The following KCNIP4 variants were observed in gnomAD, a reference collection of about 807,000 sequenced individuals.
The protein encoded by KCNIP4 is Kv channel-interacting protein 4.
A neutral mutation model predicts 34.0 loss-of-function variants in KCNIP4; 12 were observed. The ratio of observed to expected loss-of-function variants is 0.35; its 90% CI spans 0.23 to 0.57. The LOEUF is 0.57. KCNIP4 is among the 20% of genes least tolerant of loss of function. The pLI is 0.83. For synonymous variants in KCNIP4, 124 were observed against 102.2 expected (o/e 1.21, Z -1.29); for missense variants, 238 against 311.7 (o/e 0.76, Z 1.78).
intron 3 of KCNIP4, among the ~76,000 whole-genome samples, chr4:20,798,497 C>CCACA (rs373960573): frequency 2.0e-5 from 3 of 149,970 alleles, no homozygotes; most frequent in African/African-American, 7.3e-5. Context: ...CTTCTTTCTA[C>CCACA]CACACACACA....
At chr4:21,589,198 ATATGTG>A (rs1184994037) in intron 1 of KCNIP4, among the ~76,000 whole-genome samples, 4 of 27,952 alleles carry the variant, frequency 1.4e-4, no homozygotes, top group East Asian at 3.4e-3. Context: ...ATATATATAT[ATATGTG>A]TACATATATA....
intron 1 of KCNIP4, among the ~76,000 whole-genome samples, chr4:21,607,490 C>T (rs1299606587): frequency 2.0e-5 from 3 of 152,000 alleles, no homozygotes. Context: ...AACATGTCTA[C>T]ACTCCAAATT....
intron 1 of KCNIP4, among the ~76,000 whole-genome samples, chr4:20,937,330 G>A (rs908617859): frequency 1.4e-5 from 2 of 142,850 alleles, no homozygotes; most frequent in African/African-American, 5.3e-5. Context: ...CACCTCCCAG[G>A]TTCATGCCAT....
chr4:20,953,636 C>G (rs527925692), intron 1 of KCNIP4, among the ~76,000 whole-genome samples: 1 of 152,070 alleles, frequency 6.6e-6, no homozygotes, highest in South Asian at 2.1e-4. Flanking sequence ...GAGCTGAGAT[C>G]GCACTCCATC....
intron 1 of KCNIP4, among the ~76,000 whole-genome samples, chr4:21,132,448 T>C (rs1275459955): frequency 6.6e-6 from 1 of 152,226 alleles, no homozygotes; most frequent in Non-Finnish European, 1.5e-5. Flanking sequence ...CTGTAGAGCA[T>C]TGGGTTGTAT....
rs1726874643 is a variant in KCNIP4 at position 21,887,934 on chromosome 4, G to T, written c.61+60637C>A. ...GCCAATGAGGAAAAAGAAACTTCTG[G>T]TAAAACTTTCTACCTAGTGTTTTAT... On this transcript the variant is annotated intron_variant, in intron 1 of 8. Transcript: ENST00000382152. Among the ~76,000 whole-genome samples, 9 of 152,084 alleles carry T rather than the reference G, an allele frequency of 5.9e-5. No homozygotes were observed. In the South Asian group the frequency reaches 1.9e-3, roughly 32 times the overall value.
At chr4:21,353,853 C>G (rs1176748955) in intron 1 of KCNIP4, among the ~76,000 whole-genome samples, 3 of 152,148 alleles carry the variant, frequency 2.0e-5, no homozygotes, top group African/African-American at 7.2e-5. Context: ...TTATCAGATT[C>G]ACCAAGGTTG....
chr4:21,100,443 C>A (rs565976281), intron 1 of KCNIP4, among the ~76,000 whole-genome samples: 1 of 152,126 alleles, frequency 6.6e-6, no homozygotes, highest in African/African-American at 2.4e-5. Flanking sequence ...GACCCAGTTA[C>A]TTGGGAGACT....
At chr4:21,454,110 T>C (rs917362285) in intron 1 of KCNIP4, among the ~76,000 whole-genome samples, 1 of 152,104 alleles carries the variant, frequency 6.6e-6, no homozygotes, top group African/African-American at 2.4e-5. Flanking sequence ...CCTCAGACCA[T>C]TGCCTCAGAA....
intron 1 of KCNIP4, among the ~76,000 whole-genome samples, chr4:21,276,432 C>T (rs538567761): frequency 1.4e-5 from 2 of 147,430 alleles, no homozygotes; most frequent in East Asian, 4.1e-4. Context: ...GAACGCTTGA[C>T]TTCAAGTAGT....
At chr4:20,745,607 C>CAAAA (rs1002889518) in intron 5 of KCNIP4, among the ~76,000 whole-genome samples, 6 of 152,046 alleles carry the variant, frequency 3.9e-5, no homozygotes, top group African/African-American at 1.4e-4. Context: ...CCCTAAAGTA[C>CAAAA]AAAAAATGAT....
At chr4:20,845,660 A>G (rs1469543120) in intron 3 of KCNIP4, among the ~76,000 whole-genome samples, 1 of 152,190 alleles carries the variant, frequency 6.6e-6, no homozygotes, top group East Asian at 1.9e-4. Flanking sequence ...ACTACCCATT[A>G]GAGGACTAGA....
At chr4:21,477,907 T>G (rs1731120959) in intron 1 of KCNIP4, among the ~76,000 whole-genome samples, 1 of 152,144 alleles carries the variant, frequency 6.6e-6, no homozygotes, top group African/African-American at 2.4e-5. Context: ...TTATTATAAC[T>G]TTCATTCACC....
intron 1 of KCNIP4, among the ~76,000 whole-genome samples, chr4:21,093,955 G>A (rs983724617): frequency 3.3e-5 from 5 of 152,072 alleles, no homozygotes; most frequent in Admixed American, 6.6e-5. Context: ...GGTGGCGGGC[G>A]CCTGTAGTCC....
chr4:20,850,833 G>A (rs1304441632), intron 2 of KCNIP4, 166 bp from the exon 3 acceptor site: 16 of 629,046 alleles, frequency 2.5e-5, no homozygotes, highest in South Asian at 8.6e-5. Flanking sequence ...CAGTTTAAGC[G>A]TATTAAGCTA....
intron 1 of KCNIP4, among the ~76,000 whole-genome samples, chr4:21,778,070 A>G (rs2109205805): frequency 6.6e-6 from 1 of 152,274 alleles, no homozygotes; most frequent in East Asian, 1.9e-4. Context: ...TGTCTTTACC[A>G]GGTGAAACTA....
At chr4:21,577,988 T>C (rs1740879259) in intron 1 of KCNIP4, among the ~76,000 whole-genome samples, 1 of 152,194 alleles carries the variant, frequency 6.6e-6, no homozygotes, top group South Asian at 2.1e-4. Context: ...GTTATCCACA[T>C]TTTAGAAGCA....
chr4:21,388,909 T>C (rs1183471242), intron 1 of KCNIP4, among the ~76,000 whole-genome samples: 1 of 152,150 alleles, frequency 6.6e-6, no homozygotes, highest in Non-Finnish European at 1.5e-5. Context: ...ATTTGGGTTG[T>C]TTTCATCTTT....
At chr4:20,778,267 T>G (rs949712088) in intron 3 of KCNIP4, among the ~76,000 whole-genome samples, 13 of 152,204 alleles carry the variant, frequency 8.5e-5, no homozygotes, top group African/African-American at 3.1e-4. Flanking sequence ...CTCACTTGCC[T>G]TATCTGTAAA....
Sources: gnomAD v4.1 joint callset for allele counts (sites outside exome capture counted in the v4.1 genomes callset) on GRCh38, gnomAD v4.1.1 for gene constraint, MANE v1.5 for transcripts, NCBI Gene and HGNC (gene_info 2026-07-23, HGNC 2026-07-21) for gene names.